CHD7: variants seen among roughly 807,000 people sequenced by gnomAD.
The protein encoded by CHD7 is chromodomain helicase DNA binding protein 7.
In CHD7, 24 loss-of-function variants were observed where a neutral mutation model predicts 307.3. The ratio of observed to expected loss-of-function variants is 0.08; its 90% CI spans 0.06 to 0.11. CHD7 has a LOEUF of 0.11. Ranked by LOEUF, CHD7 falls within the 10% of genes least tolerant of loss-of-function variation. CHD7 has a pLI of 1.00. For synonymous variants in CHD7, 1,363 were observed against 1,349.9 expected (o/e 1.01, Z -0.21); for missense variants, 3,106 against 3,727.1 (o/e 0.83, Z 4.34).
intron 7 of CHD7, among the ~76,000 whole-genome samples, chr8:60,815,550 T>G (rs529107729): frequency 5.9e-5 from 9 of 152,182 alleles, no homozygotes; most frequent in African/African-American, 2.2e-4. Flanking sequence ...CTGTGAGTGT[T>G]GGAGAAGAAA....
At chr8:60,728,587 G>A (rs1292656707) in intron 1 of CHD7, among the ~76,000 whole-genome samples, 4 of 152,130 alleles carry the variant, frequency 2.6e-5, no homozygotes, top group African/African-American at 7.2e-5. Flanking sequence ...GAGCAATGGC[G>A]CGATCTCGGC....
chr8:60,756,489 C>CA, intron 2 of CHD7, among the ~76,000 whole-genome samples: 1 of 152,070 alleles, frequency 6.6e-6, no homozygotes, highest in South Asian at 2.1e-4. Context: ...TTGTTAATCC[C>CA]AAAAAAGTCC....
At chr8:60,863,435 G>A (rs1266266860) in intron 37 of CHD7, 1 of 152,198 alleles carries the variant, frequency 6.6e-6, no homozygotes, top group African/African-American at 2.4e-5. Context: ...TGTCTCCATT[G>A]CATAGATGTG....
At chr8:60,844,776 G>A (rs1805131140) in intron 21 of CHD7, 88 bp from the exon 22 acceptor site, 1 of 1,148,224 alleles carries the variant, frequency 8.7e-7, no homozygotes, top group African/African-American at 1.6e-5. Context: ...TTTTGACCCA[G>A]GATTTCCCAA....
intron 1 of CHD7, among the ~76,000 whole-genome samples, chr8:60,698,247 C>A (rs1202836486): frequency 6.6e-6 from 1 of 152,122 alleles, no homozygotes; most frequent in Non-Finnish European, 1.5e-5. Flanking sequence ...CTCAGCAATA[C>A]AAAGCAGGGA....
chr8:60,714,060 G>C (rs1029647478), intron 1 of CHD7, among the ~76,000 whole-genome samples: 1 of 152,058 alleles, frequency 6.6e-6, no homozygotes, highest in African/African-American at 2.4e-5. Flanking sequence ...GGCTGCTTAG[G>C]GGGAGCGCTG....
At chr8:60,767,344 A>T (rs1270227827) in intron 2 of CHD7, among the ~76,000 whole-genome samples, 1 of 152,202 alleles carries the variant, frequency 6.6e-6, no homozygotes, top group Non-Finnish European at 1.5e-5. Flanking sequence ...AGGTAGAAGG[A>T]TGTGCAGCAG....
At position 60,867,518 on chromosome 8, in the gene CHD7, T is replaced by C. The variant is rs1318399801; in HGVS notation, c.*1585T>C. On this transcript the variant is annotated 3_prime_UTR_variant, in exon 38 of 38. Coordinates refer to ENST00000423902, the MANE Select transcript of CHD7 (RefSeq NM_017780.4). ...AAAATATAATTTGAGATCTACTGTTTTCACCTTTTTATGTCACCTGAACCA... is the reference window on the plus strand; with the variant it reads ...AAAATATAATTTGAGATCTACTGTTCTCACCTTTTTATGTCACCTGAACCA... The C allele has an allele frequency of 6.6e-6, 1 of 152,254 alleles. No individual in the cohort carries two copies. The highest frequency in any genetic ancestry group is 1.5e-5 in the Non-Finnish European group (1 of 68,050). The allele number at this position is 152,254 out of a possible 1,614,324, so 9.4% of individuals were successfully genotyped here.
At chr8:60,713,904 C>T (rs1778696712) in intron 1 of CHD7, among the ~76,000 whole-genome samples, 2 of 61,394 alleles carry the variant, frequency 3.3e-5, no homozygotes, top group African/African-American at 5.1e-5. Flanking sequence ...CCTTCTTTTT[C>T]TTATTTTGCT....
rs549341863 is a variant in CHD7 at position 60,867,412 on chromosome 8, C to A, written c.*1479C>A. ...AACCCATGTGGAATTGAAACAGACCCACTTAAGCACGCACGCGCGCACGCA... is the reference window on the plus strand; with the variant it reads ...AACCCATGTGGAATTGAAACAGACCAACTTAAGCACGCACGCGCGCACGCA... On this transcript the variant is annotated 3_prime_UTR_variant, in exon 38 of 38. Coordinates refer to ENST00000423902, the MANE Select transcript of CHD7 (RefSeq NM_017780.4). 1 of 152,252 alleles carries A rather than the reference C, an allele frequency of 6.6e-6. No individual in the cohort carries two copies. Among genetic ancestry groups the A allele is most frequent in the Non-Finnish European group, 1.5e-5 (1 of 68,052 alleles). 9.4% of individuals were successfully genotyped at this position (152,252 alleles called of 1,614,324 possible).
chr8:60,844,411 T>A (rs1404166667), intron 21 of CHD7, among the ~76,000 whole-genome samples: 1 of 152,222 alleles, frequency 6.6e-6, no homozygotes, highest in Non-Finnish European at 1.5e-5. Context: ...AGAGGTGGGT[T>A]GATGCGGCCA....
At chr8:60,779,299 C>G (rs1811092747) in intron 2 of CHD7, among the ~76,000 whole-genome samples, 1 of 152,164 alleles carries the variant, frequency 6.6e-6, no homozygotes, top group East Asian at 1.9e-4. Context: ...GAGTTCTGGG[C>G]TCTTTCTCTT....
At chr8:60,824,117 A>G in intron 13 of CHD7, 101 bp downstream of exon 13, 3 of 1,027,036 alleles carry the variant, frequency 2.9e-6, no homozygotes, top group Non-Finnish European at 4.3e-6. Context: ...AGTATTTGAA[A>G]AGCTTGTCAA....
intron 1 of CHD7, among the ~76,000 whole-genome samples, chr8:60,708,399 T>C (rs942796145): frequency 3.3e-5 from 5 of 152,224 alleles, no homozygotes; most frequent in African/African-American, 4.8e-5. Context: ...ACATCCTGCC[T>C]GCATTTCAGT....
Position 60,865,353 on chromosome 8 carries a change from G to A in CHD7, c.8414G>A (p.Gly2805Asp). The change falls in exon 38 of 38, where the codon GGC becomes GAC. Residue 2805 changes from glycine (G) to aspartate (D), a missense_variant. Physicochemically the swap from Gly to Asp is moderately conservative, Grantham distance 94. Coordinates refer to ENST00000423902, the MANE Select transcript of CHD7 (RefSeq NM_017780.4). This position sits in a 1 kb window ranked among gnomAD's most constrained non-coding sequence, Gnocchi z 4.3. Reference sequence around the variant, plus strand: ...CCCCTGATGCTGCCAGGAATGGCGGGCCTGCCCAACGTGTTTGGCTTGGGC... The same window carrying A: ...CCCCTGATGCTGCCAGGAATGGCGGACCTGCCCAACGTGTTTGGCTTGGGC... ...VLPLMLPGMA[G>D]LPNVFGLGGL... 6.2e-7 allele frequency: 1 copy of A among 1,611,174 alleles called. No homozygotes were observed. Among genetic ancestry groups the A allele is most frequent in the Non-Finnish European group, 8.5e-7 (1 of 1,178,980 alleles).
intron 15 of CHD7, 40 bp from the exon 16 acceptor site, chr8:60,836,033 C>A (rs2150775339): frequency 1.4e-6 from 2 of 1,470,444 alleles, no homozygotes; most frequent in Non-Finnish European, 1.9e-6. Context: ...GTAATAAAAA[C>A]CTTTTACAGT....
At chr8:60,800,185 C>T (rs1389874021) in intron 4 of CHD7, among the ~76,000 whole-genome samples, 1 of 152,068 alleles carries the variant, frequency 6.6e-6, no homozygotes, top group East Asian at 1.9e-4. Flanking sequence ...CACCCGCCAC[C>T]ACGCCCGGCT....
At chr8:60,851,373 T>G in intron 28 of CHD7, 54 bp downstream of exon 28, 1 of 1,329,484 alleles carries the variant, frequency 7.5e-7, no homozygotes, top group Non-Finnish European at 1.1e-6. Flanking sequence ...GAGCAGTCAT[T>G]GTTCACGTGG....
chr8:60,788,271 A>G (rs1431997528), intron 3 of CHD7, among the ~76,000 whole-genome samples: 1 of 149,232 alleles, frequency 6.7e-6, no homozygotes, highest in Non-Finnish European at 1.5e-5. Context: ...TTTTATTTTT[A>G]TTTTTTGATT....
Sources: gnomAD v4.1 joint callset for allele counts (sites outside exome capture counted in the v4.1 genomes callset) on GRCh38, gnomAD v4.1.1 for gene constraint, Gnocchi (gnomAD v3.1) non-coding constraint, MANE v1.5 for transcripts, NCBI Gene and HGNC (gene_info 2026-07-23, HGNC 2026-07-21) for gene names.